The following CERT1 variants were observed in gnomAD, a reference collection of about 807,000 sequenced individuals.
CERT1 encodes ceramide transfer protein.
A neutral mutation model predicts 87.9 loss-of-function variants in CERT1; 31 were observed. The observed-to-expected ratio is 0.35, with a 90% CI of 0.27 to 0.48. The LOEUF (loss-of-function observed/expected upper bound fraction) is 0.48. CERT1 is among the 20% of genes least tolerant of loss of function. The pLI is 0.99. For missense variants in CERT1, 487 were observed against 758.0 expected, an observed-to-expected ratio of 0.64 and a Z score of 4.20; for synonymous variants, 289 against 250.9, an observed-to-expected ratio of 1.15 and a Z score of -1.44.
At chr5:75,492,127 T>C (rs1238344013) in intron 2 of CERT1, among the ~76,000 whole-genome samples, 1 of 152,116 alleles carries the variant, frequency 6.6e-6, no homozygotes, top group East Asian at 1.9e-4. Flanking sequence ...GAGGACTGCT[T>C]GAGCTCAGGA....
At chr5:75,392,717 C>G (rs1368588130) in intron 11 of CERT1, among the ~76,000 whole-genome samples, 1 of 151,932 alleles carries the variant, frequency 6.6e-6, no homozygotes, top group Non-Finnish European at 1.5e-5. Flanking sequence ...CGCCTGTAAT[C>G]CCAGCACTTT....
chr5:75,460,626 T>A (rs1377686023), intron 2 of CERT1, among the ~76,000 whole-genome samples: 1 of 152,214 alleles, frequency 6.6e-6, no homozygotes, highest in Non-Finnish European at 1.5e-5. Flanking sequence ...AAAAGATTCT[T>A]AACCTTGGAG....
At chr5:75,386,178 A>G in intron 12 of CERT1, 144 bp from the exon 13 acceptor site, 1 of 604,346 alleles carries the variant, frequency 1.7e-6, no homozygotes, top group Non-Finnish European at 2.4e-6. Flanking sequence ...AAAATTAAAA[A>G]TTTCAAATTA....
chr5:75,419,468 A>C (rs946076385), intron 5 of CERT1, 44 bp from the exon 6 acceptor site: 2 of 1,287,264 alleles, frequency 1.6e-6, no homozygotes, highest in African/African-American at 1.5e-5. Context: ...AAAGAAATAG[A>C]AATTAATGTC....
At chr5:75,403,092 T>G in intron 8 of CERT1, 34 bp from the exon 9 acceptor site, 1 of 1,436,852 alleles carries the variant, frequency 7.0e-7, no homozygotes, top group Non-Finnish European at 9.7e-7. Flanking sequence ...AAAAGCAGTT[T>G]ATTTAAAGAA....
chr5:75,510,544 T>C (rs1468801914), intron 1 of CERT1, among the ~76,000 whole-genome samples: 1 of 152,140 alleles, frequency 6.6e-6, no homozygotes, highest in Non-Finnish European at 1.5e-5. Flanking sequence ...CATGTGCCGA[T>C]TCAATATCTC....
At chr5:75,457,980 T>G (rs1462003621) in intron 3 of CERT1, among the ~76,000 whole-genome samples, 3 of 124,800 alleles carry the variant, frequency 2.4e-5, no homozygotes, top group Non-Finnish European at 5.0e-5. Flanking sequence ...TGTGTGTGTG[T>G]GGTATGTGTG....
At chr5:75,443,851 T>C (rs972306350) in intron 3 of CERT1, among the ~76,000 whole-genome samples, 1 of 152,260 alleles carries the variant, frequency 6.6e-6, no homozygotes, top group African/African-American at 2.4e-5. Context: ...ATAATTGTTA[T>C]AGTCTTCTTG....
intron 2 of CERT1, among the ~76,000 whole-genome samples, chr5:75,481,489 A>G (rs1287995815): frequency 6.6e-6 from 1 of 152,208 alleles, no homozygotes; most frequent in Non-Finnish European, 1.5e-5. Context: ...CCCACCCTAC[A>G]ATAAAAGATG....
chr5:75,459,045 G>A lies in CERT1; in HGVS notation c.348+20C>T, dbSNP rs761514879. On this transcript the variant is annotated intron_variant, in intron 3 of 16. Coordinates refer to ENST00000643780, the MANE Select transcript of CERT1 (RefSeq NM_001379029.1). ...CTCTTACCTAGTCCTCCATGGACAG[G>A]TAAACATTAGGGATCTTACCTTGTG... The A allele has an allele frequency of 2.1e-6, 3 of 1,433,400 alleles. No individual in the cohort carries two copies. Among genetic ancestry groups the A allele is most frequent in the South Asian group, 2.3e-5 (2 of 86,960 alleles). 88.8% of individuals were successfully genotyped at this position (1,433,400 alleles called of 1,614,324 possible).
intron 2 of CERT1, among the ~76,000 whole-genome samples, chr5:75,463,791 A>C (rs746406655): frequency 4.6e-5 from 7 of 152,186 alleles, no homozygotes; most frequent in Non-Finnish European, 1.0e-4. Flanking sequence ...ATTAACTAAA[A>C]TCAGGGGTCT....
At chr5:75,492,820 C>T (rs1766861233) in intron 2 of CERT1, among the ~76,000 whole-genome samples, 1 of 152,186 alleles carries the variant, frequency 6.6e-6, no homozygotes. Context: ...CAGTCATGTC[C>T]ATTCTTTACT....
At chr5:75,482,644 C>G (rs941451795) in intron 2 of CERT1, among the ~76,000 whole-genome samples, 1 of 152,174 alleles carries the variant, frequency 6.6e-6, no homozygotes, top group Non-Finnish European at 1.5e-5. Flanking sequence ...CACAGTGGTG[C>G]TTGTGTCACC....
Position 75,511,370 on chromosome 5 carries a change from C to CCG in CERT1, c.-165_-164dup. ...GGGACGAAGTCCGCCCGCCGCGCCG[C>CCG]CGCCGCGCCTGACACCGAGCGGAGC... is the stretch of plus-strand genomic sequence containing the variant. On this transcript the variant is annotated 5_prime_UTR_variant, in exon 1 of 17. Coordinates refer to ENST00000643780, the MANE Select transcript of CERT1 (RefSeq NM_001379029.1). The CCG allele has an allele frequency of 1.9e-6, 3 of 1,546,334 alleles. No individual in the cohort carries two copies. The highest frequency in any genetic ancestry group is 2.6e-6 in the Non-Finnish European group (3 of 1,145,804).
chr5:75,425,484 G>A lies in CERT1; in HGVS notation c.472C>T (p.Arg158Cys), dbSNP rs1308319203. 11 of 1,612,154 alleles carry A rather than the reference G, an allele frequency of 6.8e-6. No individual in the cohort carries two copies. Among genetic ancestry groups the A allele is most frequent in the South Asian group, 1.1e-5 (1 of 90,346 alleles). Residue 158 changes from arginine (R) to cysteine (C), a missense_variant, in exon 5 of 17, where the codon CGT becomes TGT. Physicochemically the swap from Arg to Cys is radical, Grantham distance 180 (BLOSUM62 -3). This residue lies in a region of CERT1 where 173 missense variants were observed against 302.2 expected (regional missense o/e 0.57). Coordinates refer to ENST00000643780, the MANE Select transcript of CERT1 (RefSeq NM_001379029.1). ...TSSFKKGHSL[R>C]EKLAEMETFR... ...GTTTCCATTTCAGCCAACTTCTCAC[G>A]TAAACTGTGGCCTTTCTGCAAAACA...
At chr5:75,469,820 T>C (rs188524613) in intron 2 of CERT1, among the ~76,000 whole-genome samples, 2 of 152,246 alleles carry the variant, frequency 1.3e-5, no homozygotes, top group African/African-American at 4.8e-5. Flanking sequence ...CATCTATATA[T>C]TGCCTATAAG....
chr5:75,384,347 A>T (rs150432390), intron 14 of CERT1, among the ~76,000 whole-genome samples: 1 of 152,330 alleles, frequency 6.6e-6, no homozygotes, highest in Non-Finnish European at 1.5e-5. Flanking sequence ...TAGCCTGGGA[A>T]ATACAGCAAG....
intron 3 of CERT1, among the ~76,000 whole-genome samples, chr5:75,457,428 C>G (rs1412043866): frequency 6.6e-6 from 1 of 152,294 alleles, no homozygotes; most frequent in Non-Finnish European, 1.5e-5. Context: ...CATGCATGGC[C>G]TGGCTCCAGA....
At chr5:75,460,893 G>A (rs1348266777) in intron 2 of CERT1, among the ~76,000 whole-genome samples, 1 of 152,184 alleles carries the variant, frequency 6.6e-6, no homozygotes, top group African/African-American at 2.4e-5. Context: ...ATCAGTATGT[G>A]CTGGACAATA....
Sources: allele counts gnomAD v4.1 joint callset (sites outside exome capture counted in the v4.1 genomes callset), GRCh38; gene constraint gnomAD v4.1.1; regional missense constraint gnomAD v4.1.1; transcripts MANE v1.5; gene names NCBI Gene and HGNC (gene_info 2026-07-23, HGNC 2026-07-21).